Variants in ACVR1 observed in about 807,000 individuals in gnomAD.
The protein encoded by ACVR1 is activin A receptor type 1, also known as activin receptor type-1.
Under a neutral mutation model 57.1 loss-of-function variants are expected in ACVR1, and 38 were observed. The observed-to-expected ratio is 0.67, with a 90% CI of 0.51 to 0.87. The LOEUF (loss-of-function observed/expected upper bound fraction) is 0.87. Among genes scored for constraint, ACVR1 ranks in the 40% least tolerant of loss-of-function variants. The probability of loss-of-function intolerance (pLI) is 0.00; values close to 1 mark genes in which losing one functional copy is unlikely to be tolerated. For missense variants in ACVR1, 463 were observed against 638.2 expected, an observed-to-expected ratio of 0.73 and a Z score of 2.96; for synonymous variants, 212 against 228.1, an observed-to-expected ratio of 0.93 and a Z score of 0.63.
chr2:157,796,585 TATC>T (rs1687134088), intron 3 of ACVR1, among the ~76,000 whole-genome samples: 3 of 151,970 alleles, frequency 2.0e-5, no homozygotes, highest in African/African-American at 4.8e-5. Flanking sequence ...ACAACAAAAA[TATC>T]ATATAGAATT....
chr2:157,777,529 G>T (rs181796131), intron 5 of ACVR1, among the ~76,000 whole-genome samples: 2 of 152,110 alleles, frequency 1.3e-5, no homozygotes, highest in Admixed American at 6.5e-5. Flanking sequence ...AACTTTTTGG[G>T]TTTTTTCATG....
intron 1 of ACVR1, among the ~76,000 whole-genome samples, 165 bp from the exon 2 acceptor site, chr2:157,818,724 T>A (rs961260073): frequency 6.6e-6 from 1 of 152,140 alleles, no homozygotes; most frequent in African/African-American, 2.4e-5. Context: ...AAAACACTGA[T>A]AGGAAGAGTG....
At chr2:157,766,912 T>C (rs1198164263) in intron 7 of ACVR1, among the ~76,000 whole-genome samples, 2 of 152,226 alleles carry the variant, frequency 1.3e-5, no homozygotes, top group Admixed American at 6.5e-5. Flanking sequence ...CAGGAAATTA[T>C]AGTAATTCAG....
intron 10 of ACVR1, among the ~76,000 whole-genome samples, chr2:157,738,075 G>A (rs183794214): frequency 4.6e-5 from 7 of 152,278 alleles, no homozygotes; most frequent in Admixed American, 2.6e-4. Context: ...TTGTGTTTGG[G>A]ATTTCAGATA....
intron 3 of ACVR1, among the ~76,000 whole-genome samples, chr2:157,782,245 T>C (rs759165294): frequency 1.3e-5 from 2 of 152,214 alleles, no homozygotes; most frequent in Admixed American, 6.5e-5. Flanking sequence ...AGTAAGTGCA[T>C]GCAGACACAC....
chr2:157,831,426 T>A lies in ACVR1; in HGVS notation c.-182-12867A>T, dbSNP rs72999471. Among the ~76,000 whole-genome samples, 456 of 152,312 alleles carry A rather than the reference T, an allele frequency of 3.0e-3. 2 individuals are homozygous for A. The highest frequency in any genetic ancestry group is 9.8e-3 in the African/African-American group (409 of 41,566). ...TTCATGTGTTCAAGCAAACCTGCAA[T>A]GAAAATAACCCAGAAGTCTTGAGAT... is the stretch of plus-strand genomic sequence containing the variant. On this transcript the variant is annotated intron_variant, in intron 1 of 10. Transcript: ENST00000434821.
At chr2:157,739,281 G>A (rs1410064056) in intron 9 of ACVR1, among the ~76,000 whole-genome samples, 1 of 152,180 alleles carries the variant, frequency 6.6e-6, no homozygotes, top group Non-Finnish European at 1.5e-5. Flanking sequence ...TGGGAAGGCA[G>A]AGGAAAAGAA....
chr2:157,826,784 A>AGGAAAGGAAAAG (rs1688391677), intron 1 of ACVR1: 2 of 88,774 alleles, frequency 2.3e-5, no homozygotes, highest in African/African-American at 1.3e-4. Context: ...AGGAAAGGAA[A>AGGAAAGGAAAAG]GGAAAGGGAA....
intron 2 of ACVR1, among the ~76,000 whole-genome samples, chr2:157,800,794 C>T (rs938241295): frequency 1.3e-5 from 2 of 152,068 alleles, no homozygotes; most frequent in Non-Finnish European, 2.9e-5. Context: ...CATCTTGGCC[C>T]CTCACAACCA....
At chr2:157,840,149 G>C (rs1688929746) in intron 1 of ACVR1, among the ~76,000 whole-genome samples, 1 of 152,216 alleles carries the variant, frequency 6.6e-6, no homozygotes, top group African/African-American at 2.4e-5. Flanking sequence ...ACCTTGAAAA[G>C]AGAACCTGCT....
intron 3 of ACVR1, among the ~76,000 whole-genome samples, chr2:157,788,789 A>T (rs80097655): frequency 6.6e-6 from 1 of 151,998 alleles, no homozygotes; most frequent in Non-Finnish European, 1.5e-5. Context: ...AGCCAAAGCG[A>T]TTTTAAAATA....
chr2:157,802,267 A>G (rs1461414299), intron 2 of ACVR1, among the ~76,000 whole-genome samples: 9 of 152,140 alleles, frequency 5.9e-5, no homozygotes, highest in Non-Finnish European at 1.2e-4. Context: ...AGGCACTTCT[A>G]TTGAGGTGCC....
intron 2 of ACVR1, among the ~76,000 whole-genome samples, chr2:157,802,977 A>C (rs947224518): frequency 1.3e-5 from 2 of 152,194 alleles, no homozygotes; most frequent in Non-Finnish European, 2.9e-5. Flanking sequence ...CCCACCATGC[A>C]CACAGACACA....
intron 1 of ACVR1, among the ~76,000 whole-genome samples, chr2:157,823,780 A>C (rs1465946408): frequency 6.6e-6 from 1 of 152,210 alleles, no homozygotes; most frequent in Non-Finnish European, 1.5e-5. Context: ...TTGGTGGTCC[A>C]TCAAAATCCC....
At chr2:157,830,733 CAA>C (rs10711957) in intron 1 of ACVR1, among the ~76,000 whole-genome samples, 3,199 of 136,656 alleles carry the variant, frequency 0.023, 44 homozygotes, top group East Asian at 0.069. Flanking sequence ...TTTGTTTCAC[CAA>C]AAAAAAAAAA....
rs2105396146 is a variant in ACVR1 at position 157,876,205 on chromosome 2, G to C, written c.-592C>G. Among the ~76,000 whole-genome samples the C allele has an allele frequency of 6.8e-6, 1 of 148,122 alleles. No individual in the cohort carries two copies. The highest frequency in any genetic ancestry group is 2.0e-4 in the East Asian group (1 of 4,888). On this transcript the variant is annotated 5_prime_UTR_variant, in exon 1 of 11. Coordinates refer to ENST00000434821, the MANE Select transcript of ACVR1 (RefSeq NM_001111067.4). Reference sequence around the variant, plus strand: ...AGAGGCTCGGGCTGGGAGCACGACCGCGGGCGGGGCGGGCGGACCAGCTGG... The same window carrying C: ...AGAGGCTCGGGCTGGGAGCACGACCCCGGGCGGGGCGGGCGGACCAGCTGG...
chr2:157,770,278 CG>C, intron 7 of ACVR1, 89 bp downstream of exon 7: 1 of 1,470,830 alleles, frequency 6.8e-7, no homozygotes, highest in South Asian at 1.1e-5. Flanking sequence ...GAGACACTCT[CG>C]AATTCACATT....
chr2:157,792,609 C>A (rs544645915), intron 3 of ACVR1, among the ~76,000 whole-genome samples: 1 of 152,274 alleles, frequency 6.6e-6, no homozygotes, highest in African/African-American at 2.4e-5. Context: ...CTGGTGTTGT[C>A]TTTTTTAATT....
chr2:157,795,284 G>T (rs7569527), intron 3 of ACVR1, among the ~76,000 whole-genome samples: 151,412 of 152,150 alleles, frequency 1, 75,341 homozygotes, highest in Middle Eastern at 1. Context: ...TTTTAACCAA[G>T]GTTGAGGATA....
Sources: allele counts gnomAD v4.1 joint callset (sites outside exome capture counted in the v4.1 genomes callset), GRCh38; gene constraint gnomAD v4.1.1; transcripts MANE v1.5; gene names NCBI Gene and HGNC (gene_info 2026-07-23, HGNC 2026-07-21).